Variants in NFATC1 observed in about 807,000 individuals in gnomAD.
NFATC1 encodes the protein nuclear factor of activated T cells 1, also known as nuclear factor of activated T-cells, cytoplasmic 1.
Under a neutral mutation model 76.0 loss-of-function variants are expected in NFATC1, and 22 were observed. That is an observed-to-expected ratio of 0.29 (90% CI 0.21 to 0.41). NFATC1 has a LOEUF of 0.41. Among genes scored for constraint, NFATC1 ranks in the 10% least tolerant of loss-of-function variants. NFATC1 has a pLI of 1.00. For missense variants in NFATC1, 1,357 were observed against 1,337.7 expected (o/e 1.01, Z -0.23); for synonymous variants, 704 against 613.1 (o/e 1.15, Z -2.19).
intron 6 of NFATC1, among the ~76,000 whole-genome samples, chr18:79,454,059 T>G (rs1402489718): frequency 6.6e-6 from 1 of 152,172 alleles, no homozygotes; most frequent in East Asian, 1.9e-4. Context: ...TCTGGTCTGT[T>G]TAAAGTTCTG....
At chr18:79,430,058 G>T (rs985785802) in intron 2 of NFATC1, among the ~76,000 whole-genome samples, 28 of 152,362 alleles carry the variant, frequency 1.8e-4, no homozygotes, top group African/African-American at 6.5e-4. Context: ...CGTGGCTAGG[G>T]TGTGCACTGG....
chr18:79,504,539 G>A (rs1660149), intron 9 of NFATC1, among the ~76,000 whole-genome samples: 111,216 of 152,180 alleles, frequency 0.73, 41,226 homozygotes, highest in Non-Finnish European at 0.79. Flanking sequence ...ACAGATCTCC[G>A]CAGCAGATAT....
chr18:79,424,666 CAT>C (rs1297909121), intron 2 of NFATC1, among the ~76,000 whole-genome samples: 3 of 127,288 alleles, frequency 2.4e-5, no homozygotes, highest in Non-Finnish European at 4.9e-5. Flanking sequence ...TCTGTCTCTC[CAT>C]CTCTGTCTCT....
At chr18:79,464,678 ATG>A (rs1177230452) in intron 7 of NFATC1, among the ~76,000 whole-genome samples, 11 of 77,088 alleles carry the variant, frequency 1.4e-4, no homozygotes, top group African/African-American at 5.1e-4. Context: ...GTGTATATGT[ATG>A]TGTATATATA....
Position 79,524,571 on chromosome 18 carries a change from C to T in NFATC1, c.2783-2957C>T, listed in dbSNP as rs953569911. 6.6e-6 allele frequency among the ~76,000 whole-genome samples: 1 copy of T among 152,184 alleles called. No homozygotes were observed. The highest frequency in any genetic ancestry group is 1.5e-5 in the Non-Finnish European group (1 of 68,008). The stretch of plus-strand genomic sequence containing the variant: ...GACCCGGCGCTGGGACGGGGTCGGC[C>T]CACACGCACCGCCAGCCCGCAGGAG... On this transcript the variant is annotated intron_variant, in intron 9 of 9. Transcript: ENST00000427363. This position sits in a 1 kb window ranked among gnomAD's most constrained non-coding sequence, Gnocchi z 7.2.
At chr18:79,519,121 G>A (rs2090453802) in intron 9 of NFATC1, among the ~76,000 whole-genome samples, 1 of 152,294 alleles carries the variant, frequency 6.6e-6, no homozygotes, top group South Asian at 2.1e-4. Context: ...CCTCAGAAAG[G>A]CTTCAGAGCC....
At chr18:79,521,340 TA>T (rs1201421230) in intron 9 of NFATC1, among the ~76,000 whole-genome samples, 1 of 28,560 alleles carries the variant, frequency 3.5e-5, no homozygotes, top group African/African-American at 1.5e-4. Flanking sequence ...TGTGTGTGTG[TA>T]GGGGGGGAGC....
In NFATC1 at chr18:79,505,878, G is replaced by A. The variant is rs556067448; in HGVS notation, c.2782+18941G>A. ...TGCGTGGGAGGAGGTGGTGCTGGAG[G>A]CCCTTGGATGAGGGAAGAGGCAGGA... is the stretch of plus-strand genomic sequence containing the variant. On this transcript the variant is annotated intron_variant, in intron 9 of 9. Coordinates refer to ENST00000427363, the MANE Select transcript of NFATC1 (RefSeq NM_001278669.2). Among the ~76,000 whole-genome samples the A allele has an allele frequency of 3.7e-3, 526 of 142,888 alleles. 5 individuals carry two copies. Among genetic ancestry groups the A allele is most frequent in the African/African-American group, 0.013 (507 of 38,278 alleles). 93.7% of individuals were successfully genotyped at this position (142,888 alleles called of 152,430 possible).
At chr18:79,444,103 A>T (rs550386428) in intron 3 of NFATC1, among the ~76,000 whole-genome samples, 5 of 152,380 alleles carry the variant, frequency 3.3e-5, no homozygotes, top group Admixed American at 3.3e-4. Flanking sequence ...ACAGGTAGAA[A>T]TAAAACCTGA....
At chr18:79,439,558 C>A (rs1020192719) in intron 3 of NFATC1, among the ~76,000 whole-genome samples, 4 of 152,298 alleles carry the variant, frequency 2.6e-5, no homozygotes, top group Admixed American at 2.6e-4. Context: ...GGCGAATGAC[C>A]GTCACTTCCC....
chr18:79,526,936 G>A (rs1392967641), intron 9 of NFATC1, among the ~76,000 whole-genome samples: 1 of 152,234 alleles, frequency 6.6e-6, no homozygotes, highest in African/African-American at 2.4e-5. Flanking sequence ...CAGTGCTGGT[G>A]GCACATCCCC....
chr18:79,435,088 T>C (rs2086725537), intron 3 of NFATC1, among the ~76,000 whole-genome samples: 1 of 152,220 alleles, frequency 6.6e-6, no homozygotes, highest in Admixed American at 6.5e-5. Context: ...GAAAGCTTGT[T>C]ATTGCTCAGT....
At chr18:79,449,078 C>A in intron 4 of NFATC1, 94 bp downstream of exon 4, 1 of 1,267,520 alleles carries the variant, frequency 7.9e-7, no homozygotes, top group Non-Finnish European at 1.1e-6. Context: ...GCCCCCCGCA[C>A]TTCCAGGCTG....
In NFATC1 at chr18:79,423,679, G is replaced by A. The variant is rs148176442; in HGVS notation, c.1227-9900G>A. On this transcript the variant is annotated intron_variant, in intron 2 of 9. Coordinates refer to ENST00000427363, the MANE Select transcript of NFATC1 (RefSeq NM_001278669.2). ...CTGCATCCTGAGCCTCACCCGGCGG[G>A]CAGGAGGGCCGGGCTGGGTGTCCCC... Among the ~76,000 whole-genome samples, 1,118 of 152,260 alleles carry A rather than the reference G, an allele frequency of 7.3e-3. 4 individuals are homozygous for A. The highest frequency in any genetic ancestry group is 0.012 in the Non-Finnish European group (802 of 67,992).
chr18:79,400,272 G>C, intron 1 of NFATC1: 1 of 1,189,760 alleles, frequency 8.4e-7, no homozygotes, highest in South Asian at 3.1e-5. Flanking sequence ...CGGGGGCGGG[G>C]CGGGGACGGG....
intron 1 of NFATC1, chr18:79,402,255 T>C: frequency 1.1e-6 from 1 of 872,210 alleles, no homozygotes; most frequent in Non-Finnish European, 1.4e-6. Context: ...AGGCCTAGTC[T>C]CACAAGGACG....
At chr18:79,523,689 G>A (rs150407833) in intron 9 of NFATC1, among the ~76,000 whole-genome samples, 1 of 152,346 alleles carries the variant, frequency 6.6e-6, no homozygotes, top group East Asian at 1.9e-4. Flanking sequence ...GTGGGTGTGT[G>A]GATGTGGCCT....
At position 79,486,544 on chromosome 18, in the gene NFATC1, G is replaced by GC. The variant is rs778221538; in HGVS notation, c.2394dup (p.Ala799ArgfsTer35). ...CGGACTCCCGCAGCCGGCCGGAGAG[G>GC]CCCCCGCCGTCCAGGACGTGCCCAG... On this transcript the variant is annotated frameshift_variant, in exon 9 of 10. Coordinates refer to ENST00000427363, the MANE Select transcript of NFATC1 (RefSeq NM_001278669.2). LOFTEE classifies it high-confidence loss of function. 5.0e-6 allele frequency: 8 copies of GC among 1,595,938 alleles called. No individual in the cohort carries two copies. Among genetic ancestry groups the GC allele is most frequent in the Non-Finnish European group, 6.8e-6 (8 of 1,176,582 alleles).
chr18:79,407,417 G>A (rs1416760824), intron 1 of NFATC1, among the ~76,000 whole-genome samples: 1 of 152,188 alleles, frequency 6.6e-6, no homozygotes, highest in Non-Finnish European at 1.5e-5. Flanking sequence ...CCTGCCTGTG[G>A]CTCTGGGGAA....
Sources: gnomAD v4.1 joint callset for allele counts (sites outside exome capture counted in the v4.1 genomes callset) on GRCh38, gnomAD v4.1.1 for gene constraint, Gnocchi (gnomAD v3.1) non-coding constraint, MANE v1.5 for transcripts, NCBI Gene and HGNC (gene_info 2026-07-23, HGNC 2026-07-21) for gene names.